Variants in REDIC1 observed in about 807,000 individuals in gnomAD.
REDIC1 encodes the protein regulator of DNA class I crossover intermediates 1.
At chr12:39,649,623 A>T in the REDIC1 span, among the ~76,000 whole-genome samples, 1 of 140,896 alleles carries the variant, frequency 7.1e-6, no homozygotes. Context: ...TTGTGTTTGG[A>T]CTTCTCATTT....
chr12:39,682,719 A>G, the REDIC1 span: 9 of 1,613,224 alleles, frequency 5.6e-6, no homozygotes, highest in Admixed American at 5.0e-5. Flanking sequence ...AAAAACACTC[A>G]ATACAGCATA....
the REDIC1 span, among the ~76,000 whole-genome samples, chr12:39,733,504 T>C: frequency 6.6e-6 from 1 of 152,186 alleles, no homozygotes; most frequent in Non-Finnish European, 1.5e-5. Flanking sequence ...TTTTATTTTA[T>C]TTTGTTTGTT....
chr12:39,847,573 C>T, the REDIC1 span, among the ~76,000 whole-genome samples: 1 of 152,058 alleles, frequency 6.6e-6, no homozygotes, highest in Non-Finnish European at 1.5e-5. Flanking sequence ...GCCACCCTGG[C>T]CCATGTGGTG....
At chr12:39,667,145 T>G in the REDIC1 span, among the ~76,000 whole-genome samples, 1 of 152,228 alleles carries the variant, frequency 6.6e-6, no homozygotes, top group Non-Finnish European at 1.5e-5. Flanking sequence ...TCTAGTTCTT[T>G]TAATTGTGGT....
chr12:39,652,284 G>C, the REDIC1 span, among the ~76,000 whole-genome samples: 6 of 151,950 alleles, frequency 3.9e-5, no homozygotes, highest in Non-Finnish European at 8.8e-5. Context: ...TCATTTGTTA[G>C]GTGTATGTTT....
At chr12:39,873,548 C>T in the REDIC1 span, among the ~76,000 whole-genome samples, 1 of 152,104 alleles carries the variant, frequency 6.6e-6, no homozygotes, top group South Asian at 2.1e-4. Context: ...AAGAATTTGA[C>T]ATGTGTCATG....
the REDIC1 span, among the ~76,000 whole-genome samples, chr12:39,881,261 T>C: frequency 1.3e-5 from 2 of 152,310 alleles, no homozygotes; most frequent in South Asian, 4.1e-4. Context: ...TCTTCATATG[T>C]GTCTTTCAGT....
the REDIC1 span, among the ~76,000 whole-genome samples, chr12:39,801,339 T>TAAAA: frequency 4.7e-5 from 6 of 126,856 alleles, no homozygotes; most frequent in Non-Finnish European, 8.5e-5. Flanking sequence ...ATGAGGAAAT[T>TAAAA]AAAAAAAAAA....
chr12:39,870,629 T>C, the REDIC1 span, among the ~76,000 whole-genome samples: 2 of 152,222 alleles, frequency 1.3e-5, no homozygotes, highest in East Asian at 3.8e-4. Context: ...TCCCTCACTT[T>C]TATTCATTTA....
chr12:39,752,478 C>A, the REDIC1 span, among the ~76,000 whole-genome samples: 1 of 151,980 alleles, frequency 6.6e-6, no homozygotes, highest in Admixed American at 6.6e-5. Context: ...TCCCTTGTGC[C>A]AAAAAGTTTG....
chr12:39,685,862 A>T, the REDIC1 span, among the ~76,000 whole-genome samples: 1 of 152,360 alleles, frequency 6.6e-6, no homozygotes, highest in South Asian at 2.1e-4. Flanking sequence ...ACATTCCAAA[A>T]GGGAGAAATA....
the REDIC1 span, among the ~76,000 whole-genome samples, chr12:39,889,938 T>C: frequency 6.6e-6 from 1 of 152,190 alleles, no homozygotes; most frequent in Non-Finnish European, 1.5e-5. Context: ...CTTTGTATCT[T>C]CATCAGCTTC....
the REDIC1 span, among the ~76,000 whole-genome samples, chr12:39,740,865 T>G: frequency 6.6e-6 from 1 of 152,230 alleles, no homozygotes; most frequent in African/African-American, 2.4e-5. Context: ...TAAAACTGAT[T>G]TTGATTCATT....
chr12:39,810,280 A>G, the REDIC1 span, among the ~76,000 whole-genome samples: 73 of 152,322 alleles, frequency 4.8e-4, no homozygotes, highest in African/African-American at 1.7e-3. Flanking sequence ...ATCTTTAAGA[A>G]TTTCATCTTT....
chr12:39,764,305 A>G, the REDIC1 span, among the ~76,000 whole-genome samples: 11 of 152,176 alleles, frequency 7.2e-5, no homozygotes, highest in Admixed American at 6.5e-4. Context: ...TCCCAGACAC[A>G]TTTCCGATGC....
At chr12:39,868,537 C>T in the REDIC1 span, among the ~76,000 whole-genome samples, 3 of 152,178 alleles carry the variant, frequency 2.0e-5, no homozygotes, top group Admixed American at 2.0e-4. Context: ...TTTAGTAGAT[C>T]TGGGTTAAGG....
the REDIC1 span, among the ~76,000 whole-genome samples, chr12:39,669,505 C>A: frequency 7.2e-5 from 11 of 152,294 alleles, no homozygotes; most frequent in South Asian, 2.3e-3. Flanking sequence ...GCGTCAGGGA[C>A]CCACTTGAGG....
the REDIC1 span, chr12:39,650,364 G>C: frequency 6.2e-7 from 1 of 1,603,030 alleles, no homozygotes; most frequent in Non-Finnish European, 8.5e-7. This position sits in a 1 kb window ranked among gnomAD's most constrained non-coding sequence, Gnocchi z 4.3. Flanking sequence ...GGTAAGCAAA[G>C]ATGCTGAAGG....
the REDIC1 span, among the ~76,000 whole-genome samples, chr12:39,656,817 A>G: frequency 6.6e-6 from 1 of 152,184 alleles, no homozygotes; most frequent in Non-Finnish European, 1.5e-5. Flanking sequence ...AGTAAGGAAA[A>G]CATTTAAAAA....
Sources: gnomAD v4.1 joint callset for allele counts (sites outside exome capture counted in the v4.1 genomes callset) on GRCh38, gnomAD v4.1.1 for gene constraint, Gnocchi (gnomAD v3.1) non-coding constraint, MANE v1.5 for transcripts, NCBI Gene and HGNC (gene_info 2026-07-23, HGNC 2026-07-21) for gene names.